Variants in UST observed in about 807,000 individuals in gnomAD.
UST encodes chondroitin sulfate 2-O-sulfotransferase.
UST carries 21 observed loss-of-function variants against 45.6 expected under a neutral mutation model. The ratio of observed to expected loss-of-function variants is 0.46; its 90% confidence interval spans 0.33 to 0.66. UST has a LOEUF of 0.66. UST is among the 30% of genes least tolerant of loss of function. UST has a pLI of 0.02. For missense variants in UST, 463 were observed against 512.4 expected, an observed-to-expected ratio of 0.90 and a Z score of 0.93; for synonymous variants, 215 against 200.6, an observed-to-expected ratio of 1.07 and a Z score of -0.61.
intron 1 of UST, among the ~76,000 whole-genome samples, chr6:148,778,399 T>TA: frequency 6.6e-6 from 1 of 152,184 alleles, no homozygotes; most frequent in Non-Finnish European, 1.5e-5. Context: ...GTGATTTGAC[T>TA]AAAGGACTGA....
chr6:148,989,626 A>G (rs886424163), intron 5 of UST, among the ~76,000 whole-genome samples: 2 of 152,332 alleles, frequency 1.3e-5, no homozygotes, highest in African/African-American at 4.8e-5. Context: ...CAACTCTGTC[A>G]TGAGTCCTTC....
intron 1 of UST, among the ~76,000 whole-genome samples, chr6:148,835,521 T>C (rs2114764901): frequency 6.6e-6 from 1 of 152,348 alleles, no homozygotes; most frequent in South Asian, 2.1e-4. Flanking sequence ...TGGTCACCTC[T>C]TGTCTTGGCT....
At chr6:148,995,143 G>A (rs1437992323) in intron 5 of UST, among the ~76,000 whole-genome samples, 6 of 152,060 alleles carry the variant, frequency 3.9e-5, no homozygotes, top group African/African-American at 1.4e-4. Context: ...TCGTACCTCA[G>A]CTTCCCAAGT....
At chr6:148,876,233 C>T (rs773998236) in intron 1 of UST, among the ~76,000 whole-genome samples, 4 of 151,994 alleles carry the variant, frequency 2.6e-5, no homozygotes, top group Non-Finnish European at 5.9e-5. Context: ...CACTTTTAAA[C>T]AATCAGATCC....
At chr6:148,932,987 CTT>C (rs1179894743) in intron 2 of UST, among the ~76,000 whole-genome samples, 1 of 152,154 alleles carries the variant, frequency 6.6e-6, no homozygotes, top group Non-Finnish European at 1.5e-5. Flanking sequence ...TTTGAGGAAA[CTT>C]TGACTTAGAG....
chr6:148,909,665 G>T (rs895928590), intron 2 of UST, among the ~76,000 whole-genome samples: 3 of 152,192 alleles, frequency 2.0e-5, no homozygotes, highest in Admixed American at 6.5e-5. Flanking sequence ...TAGCAGCAAG[G>T]ATGTGTGCTG....
At chr6:148,907,434 T>C (rs879724948) in intron 2 of UST, among the ~76,000 whole-genome samples, 4 of 152,078 alleles carry the variant, frequency 2.6e-5, no homozygotes, top group African/African-American at 9.7e-5. Context: ...ACAACACACA[T>C]AGGGGAGAAA....
At chr6:148,970,517 G>A (rs183215868) in intron 5 of UST, among the ~76,000 whole-genome samples, 4 of 152,262 alleles carry the variant, frequency 2.6e-5, no homozygotes, top group Non-Finnish European at 4.4e-5. Flanking sequence ...AGGGGCTTAC[G>A]AGTCACCCAG....
chr6:148,747,316 C>G lies in UST; in HGVS notation c.-115C>G, dbSNP rs1052284448. On this transcript the variant is annotated 5_prime_UTR_variant, in exon 1 of 8. Transcript: ENST00000367463. The stretch of plus-strand genomic sequence containing the variant: ...TCGGCCCCTCCCCGCCCCCACCCGG[C>G]TGCCCTCCGCGCGGCCCTCCCCATG... 1.2e-5 allele frequency: 15 copies of G among 1,263,940 alleles called. No homozygotes were observed. The African/African-American group carries it at 1.7e-4, about 15-fold the overall frequency. 78.3% of individuals were successfully genotyped at this position (1,263,940 alleles called of 1,614,324 possible).
At chr6:149,054,628 C>G (rs1346829807) in intron 7 of UST, among the ~76,000 whole-genome samples, 4 of 152,124 alleles carry the variant, frequency 2.6e-5, no homozygotes, top group Non-Finnish European at 5.9e-5. Context: ...AGAGAGGAAA[C>G]TGGGCAGGAA....
At chr6:148,855,773 A>C (rs1778191865) in intron 1 of UST, among the ~76,000 whole-genome samples, 1 of 152,166 alleles carries the variant, frequency 6.6e-6, no homozygotes, top group Non-Finnish European at 1.5e-5. Context: ...GATGAGATTC[A>C]CTAGAAAGCT....
intron 2 of UST, among the ~76,000 whole-genome samples, chr6:148,900,409 G>A (rs1386061529): frequency 6.6e-6 from 1 of 152,222 alleles, no homozygotes; most frequent in Admixed American, 6.5e-5. Flanking sequence ...TGAATCATGA[G>A]GGTAGGTCTT....
intron 5 of UST, among the ~76,000 whole-genome samples, chr6:148,967,376 C>G (rs1435442846): frequency 6.6e-6 from 1 of 152,104 alleles, no homozygotes; most frequent in Non-Finnish European, 1.5e-5. Flanking sequence ...AGGGGTGTCC[C>G]CTTCATGATC....
At chr6:148,791,543 A>T (rs980265923) in intron 1 of UST, among the ~76,000 whole-genome samples, 11 of 152,210 alleles carry the variant, frequency 7.2e-5, no homozygotes, top group African/African-American at 2.7e-4. Flanking sequence ...CACTGGGGAA[A>T]AAACAAACAT....
At chr6:149,004,936 G>C (rs1480384312) in intron 5 of UST, among the ~76,000 whole-genome samples, 1 of 152,026 alleles carries the variant, frequency 6.6e-6, no homozygotes, top group African/African-American at 2.4e-5. Context: ...AGGGTCAAGT[G>C]ATCCTCCCAT....
At position 148,748,851 on chromosome 6, in the gene UST, A is replaced by AC. The variant is rs899100801; in HGVS notation, c.247+1178dup. Among the ~76,000 whole-genome samples, 2 of 151,800 alleles carry AC rather than the reference A, an allele frequency of 1.3e-5. No individual in the cohort carries two copies. Among genetic ancestry groups the AC allele is most frequent in the African/African-American group, 4.8e-5 (2 of 41,314 alleles). ...GGGCCAGCTGGAGGCTGCCACAGTT[A>AC]CCCCAAACGTCACTTCGTGGCAGAA... On this transcript the variant is annotated intron_variant, in intron 1 of 7. Coordinates refer to ENST00000367463, the MANE Select transcript of UST (RefSeq NM_005715.3). The surrounding 1 kb of genome is among the most constrained non-coding windows in gnomAD (Gnocchi z 5.3).
At chr6:148,795,346 G>C (rs755683118) in intron 1 of UST, among the ~76,000 whole-genome samples, 4 of 152,150 alleles carry the variant, frequency 2.6e-5, no homozygotes, top group Non-Finnish European at 4.4e-5. Context: ...TGAGAGGCCT[G>C]TCCTGGCTGG....
At chr6:148,831,934 A>T (rs1329742773) in intron 1 of UST, among the ~76,000 whole-genome samples, 4 of 152,254 alleles carry the variant, frequency 2.6e-5, no homozygotes, top group African/African-American at 9.6e-5. Context: ...TCAATTACCC[A>T]ACCTGATGAT....
chr6:148,886,752 T>TTG (rs1204715355), intron 1 of UST, among the ~76,000 whole-genome samples: 1 of 152,146 alleles, frequency 6.6e-6, no homozygotes, highest in Non-Finnish European at 1.5e-5. Flanking sequence ...TTATGTATGT[T>TTG]TGTGTGCATA....
Sources: gnomAD v4.1 joint callset for allele counts (sites outside exome capture counted in the v4.1 genomes callset) on GRCh38, gnomAD v4.1.1 for gene constraint, Gnocchi (gnomAD v3.1) non-coding constraint, MANE v1.5 for transcripts, NCBI Gene and HGNC (gene_info 2026-07-23, HGNC 2026-07-21) for gene names.